The following CADM2 variants were observed in gnomAD, a reference collection of about 807,000 sequenced individuals.
The protein encoded by CADM2 is immunoglobulin superfamily member 4D.
Under a neutral mutation model 49.8 loss-of-function variants are expected in CADM2, and 12 were observed. The ratio of observed to expected loss-of-function variants is 0.24; its 90% confidence interval spans 0.15 to 0.39. CADM2 has a LOEUF of 0.39. Ranked by LOEUF, CADM2 falls within the 10% of genes least tolerant of loss-of-function variation. CADM2 has a pLI of 1.00. For missense variants in CADM2, 378 were observed against 492.3 expected, an observed-to-expected ratio of 0.77 and a Z score of 2.20; for synonymous variants, 214 against 175.4, an observed-to-expected ratio of 1.22 and a Z score of -1.74.
At chr3:85,509,816 G>A (rs1243123984) in intron 1 of CADM2, among the ~76,000 whole-genome samples, 2 of 151,856 alleles carry the variant, frequency 1.3e-5, no homozygotes, top group Admixed American at 1.3e-4. Context: ...AGAGAGTCAG[G>A]CAATATTAAA....
chr3:85,654,443 G>A (rs1463974134), intron 1 of CADM2, among the ~76,000 whole-genome samples: 3 of 152,086 alleles, frequency 2.0e-5, no homozygotes, highest in Non-Finnish European at 4.4e-5. Context: ...AGCATACATG[G>A]GCAGAAAGTT....
At chr3:86,035,864 A>G (rs1381023599) in intron 8 of CADM2, among the ~76,000 whole-genome samples, 1 of 152,132 alleles carries the variant, frequency 6.6e-6, no homozygotes, top group Non-Finnish European at 1.5e-5. Flanking sequence ...CAGAGGCTGA[A>G]AAGTTTAAGA....
chr3:85,311,591 T>C (rs1385057928), intron 1 of CADM2, among the ~76,000 whole-genome samples: 1 of 152,012 alleles, frequency 6.6e-6, no homozygotes, highest in African/African-American at 2.4e-5. Flanking sequence ...TTAGCCAGGA[T>C]AGTCTTGATC....
At chr3:85,651,502 G>T (rs1320734803) in intron 1 of CADM2, among the ~76,000 whole-genome samples, 1 of 152,088 alleles carries the variant, frequency 6.6e-6, no homozygotes, top group African/African-American at 2.4e-5. Context: ...AAGCATGATA[G>T]AAATAATTTT....
At chr3:85,167,589 T>A (rs2040504468) in intron 1 of CADM2, among the ~76,000 whole-genome samples, 1 of 152,136 alleles carries the variant, frequency 6.6e-6, no homozygotes, top group Non-Finnish European at 1.5e-5. Flanking sequence ...AAGAACTGAA[T>A]TCAAACCCAA....
At chr3:85,548,675 G>A (rs1482245794) in intron 1 of CADM2, among the ~76,000 whole-genome samples, 1 of 152,056 alleles carries the variant, frequency 6.6e-6, no homozygotes, top group Admixed American at 6.5e-5. Flanking sequence ...GTTTCAGGAA[G>A]GCAAGTCCTT....
intron 1 of CADM2, among the ~76,000 whole-genome samples, chr3:85,436,694 T>A (rs2107533203): frequency 6.6e-6 from 1 of 152,328 alleles, no homozygotes; most frequent in East Asian, 1.9e-4. Context: ...AAAGTAAACT[T>A]TTTTATTTTA....
At chr3:85,542,223 G>A (rs1293364187) in intron 1 of CADM2, among the ~76,000 whole-genome samples, 1 of 151,830 alleles carries the variant, frequency 6.6e-6, no homozygotes, top group Non-Finnish European at 1.5e-5. Flanking sequence ...CAGCTCTCTC[G>A]GTCCCTCAAA....
chr3:85,505,657 T>A (rs2040318062), intron 1 of CADM2, among the ~76,000 whole-genome samples: 1 of 152,212 alleles, frequency 6.6e-6, no homozygotes, highest in Admixed American at 6.5e-5. Context: ...AGCCATCATA[T>A]GTTAGAGATA....
intron 1 of CADM2, among the ~76,000 whole-genome samples, chr3:85,093,092 G>A (rs1045590943): frequency 1.3e-5 from 2 of 151,962 alleles, no homozygotes; most frequent in Non-Finnish European, 2.9e-5. Context: ...AGATGTCCTC[G>A]GACAAAATTC....
At chr3:86,032,268 A>T (rs902212473) in intron 8 of CADM2, among the ~76,000 whole-genome samples, 3 of 151,824 alleles carry the variant, frequency 2.0e-5, no homozygotes, top group Non-Finnish European at 1.5e-5. Context: ...AACTTCTGGT[A>T]ATTTGTATGC....
intron 5 of CADM2, among the ~76,000 whole-genome samples, chr3:85,891,971 T>C (rs1714493472): frequency 6.6e-6 from 1 of 152,316 alleles, no homozygotes; most frequent in Admixed American, 6.5e-5. Flanking sequence ...AAACTTACAG[T>C]AATGTGTTAC....
chr3:85,160,602 A>G (rs749558355), intron 1 of CADM2, among the ~76,000 whole-genome samples: 64 of 152,312 alleles, frequency 4.2e-4, no homozygotes, highest in Middle Eastern at 3.4e-3. Flanking sequence ...GGTCCTTCTC[A>G]ATAAATAATT....
chr3:85,502,194 GTTTA>G (rs1040060804), intron 1 of CADM2, among the ~76,000 whole-genome samples: 1 of 152,136 alleles, frequency 6.6e-6, no homozygotes, highest in Non-Finnish European at 1.5e-5. Flanking sequence ...CCTAGGTAGA[GTTTA>G]TTTACTTGTT....
chr3:85,982,578 A>G (rs1290157619), intron 8 of CADM2, among the ~76,000 whole-genome samples: 2 of 151,742 alleles, frequency 1.3e-5, no homozygotes, highest in Non-Finnish European at 2.9e-5. Context: ...TGCCTAAGTC[A>G]CCAGACTCAC....
chr3:86,020,081 G>A (rs1732919593), intron 8 of CADM2, among the ~76,000 whole-genome samples: 1 of 152,002 alleles, frequency 6.6e-6, no homozygotes, highest in African/African-American at 2.4e-5. Context: ...AAAATTGATG[G>A]ACCGCTAGCA....
At chr3:85,919,316 A>T (rs1718790790) in intron 6 of CADM2, among the ~76,000 whole-genome samples, 1 of 151,992 alleles carries the variant, frequency 6.6e-6, no homozygotes, top group African/African-American at 2.4e-5. Flanking sequence ...AATAGTTAAA[A>T]TAGCTTGTAG....
Position 85,615,681 on chromosome 3 carries a change from T to A in CADM2, c.62-110841T>A, listed in dbSNP as rs2063784897. On this transcript the variant is annotated intron_variant, in intron 1 of 9. Transcript: ENST00000383699. ...ATAATCCTTTAAACTCAGGATAGCATCATGTGAATTGGTATTGCAAATGAC... is the reference window on the plus strand; with the variant it reads ...ATAATCCTTTAAACTCAGGATAGCAACATGTGAATTGGTATTGCAAATGAC... Among the ~76,000 whole-genome samples, 3 of 151,606 alleles carry A rather than the reference T, an allele frequency of 2.0e-5. No homozygotes were observed. In the South Asian group the frequency reaches 6.2e-4, roughly 32 times the overall value.
At chr3:85,043,862 T>C (rs958627946) in intron 1 of CADM2, among the ~76,000 whole-genome samples, 3 of 152,088 alleles carry the variant, frequency 2.0e-5, no homozygotes, top group Non-Finnish European at 2.9e-5. Context: ...ATCCATGCAA[T>C]AGAAGTATAT....
Sources: gnomAD v4.1 joint callset for allele counts (sites outside exome capture counted in the v4.1 genomes callset) on GRCh38, gnomAD v4.1.1 for gene constraint, MANE v1.5 for transcripts, NCBI Gene and HGNC (gene_info 2026-07-23, HGNC 2026-07-21) for gene names.